The following RGL1 variants were observed in gnomAD, a reference collection of about 807,000 sequenced individuals.
RGL1 encodes ral guanine nucleotide dissociation stimulator-like 1.
A neutral mutation model predicts 95.2 loss-of-function variants in RGL1; 24 were observed. That is an observed-to-expected ratio of 0.25 (90% CI 0.18 to 0.35). RGL1 has a LOEUF of 0.35. RGL1 is among the 10% of genes least tolerant of loss of function. RGL1 has a pLI of 1.00. For missense variants in RGL1, 715 were observed against 936.3 expected (o/e 0.76, Z 3.08); for synonymous variants, 329 against 344.9 (o/e 0.95, Z 0.51).
At chr1:183,655,062 C>T (rs1368125695) in intron 1 of RGL1, among the ~76,000 whole-genome samples, 1 of 152,208 alleles carries the variant, frequency 6.6e-6, no homozygotes, top group African/African-American at 2.4e-5. Context: ...TTTCTGTCTT[C>T]CTTTGTTAAT....
At chr1:183,898,755 T>C (rs1483157626) in intron 10 of RGL1, among the ~76,000 whole-genome samples, 1 of 152,220 alleles carries the variant, frequency 6.6e-6, no homozygotes, top group African/African-American at 2.4e-5. Flanking sequence ...GATGAGACCT[T>C]GTACACAGAA....
At chr1:183,850,694 A>C (rs1303259702) in intron 3 of RGL1, among the ~76,000 whole-genome samples, 1 of 152,198 alleles carries the variant, frequency 6.6e-6, no homozygotes, top group Non-Finnish European at 1.5e-5. Context: ...GCATTTCTTT[A>C]TATAGGCAGG....
chr1:183,830,659 A>G (rs559684198), intron 2 of RGL1, among the ~76,000 whole-genome samples: 226 of 141,914 alleles, frequency 1.6e-3, no homozygotes, highest in African/African-American at 5.7e-3. Context: ...CAGCATCTCA[A>G]TCTTGTTGGG....
At position 183,776,764 on chromosome 1, in the gene RGL1, A is replaced by G. The variant is rs140630199; in HGVS notation, c.133-29611A>G. 4.1e-3 allele frequency among the ~76,000 whole-genome samples: 631 copies of G among 152,328 alleles called. 10 individuals carry two copies. The highest frequency in any genetic ancestry group is 0.032 in the Admixed American group (491 of 15,304). ...TGGGGGACAGACAAGGCTTGCGAAG[A>G]GGGCAGGGGTCTGATCATGAAAGGC... is the stretch of plus-strand genomic sequence containing the variant. On this transcript the variant is annotated intron_variant, in intron 2 of 18. Coordinates refer to the RGL1 transcript ENST00000304685.
intron 2 of RGL1, among the ~76,000 whole-genome samples, chr1:183,784,699 C>G (rs1182793858): frequency 1.3e-5 from 2 of 152,136 alleles, no homozygotes; most frequent in Non-Finnish European, 2.9e-5. Context: ...TCACTGCTGG[C>G]TAAAGAGTCT....
chr1:183,738,341 A>G (rs980264246), intron 1 of RGL1, among the ~76,000 whole-genome samples: 48 of 152,062 alleles, frequency 3.2e-4, no homozygotes, highest in African/African-American at 1.2e-3. Flanking sequence ...GAATCGCTTG[A>G]ACCCTGGAGG....
intron 1 of RGL1, among the ~76,000 whole-genome samples, chr1:183,659,849 A>G (rs1651477801): frequency 6.6e-6 from 1 of 150,828 alleles, no homozygotes; most frequent in Non-Finnish European, 1.5e-5. Flanking sequence ...TCAGACTAAC[A>G]GTGGATCTCT....
At chr1:183,820,705 C>T (rs1662418462) in intron 2 of RGL1, among the ~76,000 whole-genome samples, 1 of 152,108 alleles carries the variant, frequency 6.6e-6, no homozygotes, top group Non-Finnish European at 1.5e-5. Context: ...TGTTCTGTAC[C>T]TGTAAAATCC....
intron 9 of RGL1, 113 bp from the exon 10 acceptor site, chr1:183,897,695 G>A (rs529486450): frequency 4.4e-6 from 3 of 689,354 alleles, no homozygotes; most frequent in African/African-American, 3.6e-5. Flanking sequence ...ATTTTGCATG[G>A]TGTTCCGAGC....
At chr1:183,829,640 A>G (rs554053069) in intron 2 of RGL1, among the ~76,000 whole-genome samples, 9 of 152,258 alleles carry the variant, frequency 5.9e-5, no homozygotes, top group Non-Finnish European at 8.8e-5. Context: ...AAAACCCTTT[A>G]AAAGCTTCAC....
At chr1:183,893,217 G>A (rs1667518684) in intron 9 of RGL1, among the ~76,000 whole-genome samples, 1 of 152,176 alleles carries the variant, frequency 6.6e-6, no homozygotes, top group Non-Finnish European at 1.5e-5. Flanking sequence ...TCTCATGTGG[G>A]AGGTAAAACA....
intron 1 of RGL1, among the ~76,000 whole-genome samples, chr1:183,644,559 G>A (rs1310295619): frequency 1.3e-5 from 2 of 152,040 alleles, no homozygotes; most frequent in Non-Finnish European, 2.9e-5. Context: ...CCAAAGTACT[G>A]AGATTACAGG....
intron 2 of RGL1, among the ~76,000 whole-genome samples, chr1:183,780,023 T>C (rs928312606): frequency 2.0e-5 from 3 of 152,214 alleles, no homozygotes; most frequent in Non-Finnish European, 4.4e-5. Flanking sequence ...TAGTTTTATA[T>C]AAAATACTTA....
rs1558245830 is a variant in RGL1 at position 183,847,667 on chromosome 1, C to A, written c.240C>A (p.Asn80Lys). 2 of 1,614,118 alleles carry A rather than the reference C, an allele frequency of 1.2e-6. No individual in the cohort carries two copies. Among genetic ancestry groups the A allele is most frequent in the Non-Finnish European group, 1.7e-6 (2 of 1,179,972 alleles). Reference sequence around the variant, plus strand: ...GCACCTTGGAGAAGCTTGTGGAGAACCTGCTGACAGCTTTTGGGGACAATG... The same window carrying A: ...GCACCTTGGAGAAGCTTGTGGAGAAACTGCTGACAGCTTTTGGGGACAATG... The part of the protein sequence containing the change: ...KAGTLEKLVE[N>K]LLTAFGDNDF... The change falls in exon 3 of 18, where the codon AAC (asparagine) becomes AAA (lysine). Residue 80 changes from asparagine (N) to lysine (K), a missense_variant. This residue lies in a region of RGL1 where 381 missense variants were observed against 484.8 expected (regional missense o/e 0.79). Transcript: ENST00000360851.
At chr1:183,764,671 C>T (rs1438699264) in intron 2 of RGL1, among the ~76,000 whole-genome samples, 2 of 152,082 alleles carry the variant, frequency 1.3e-5, no homozygotes, top group African/African-American at 2.4e-5. Context: ...GTCGATCTTT[C>T]GGGCTGCTTC....
At chr1:183,871,807 A>G (rs1666199946) in intron 4 of RGL1, among the ~76,000 whole-genome samples, 1 of 152,254 alleles carries the variant, frequency 6.6e-6, no homozygotes, top group Admixed American at 6.5e-5. Flanking sequence ...GGACTCCCAC[A>G]TGCGGAGTAC....
intron 16 of RGL1, among the ~76,000 whole-genome samples, chr1:183,917,942 A>G (rs72733474): frequency 2.0e-5 from 3 of 152,202 alleles, no homozygotes; most frequent in Admixed American, 6.5e-5. Context: ...AGCTGCTATC[A>G]TGTTCCATGT....
At chr1:183,784,290 C>A (rs1660043975) in intron 2 of RGL1, among the ~76,000 whole-genome samples, 1 of 152,084 alleles carries the variant, frequency 6.6e-6, no homozygotes, top group African/African-American at 2.4e-5. Flanking sequence ...AGGGAAGGTG[C>A]CTGATACTGG....
Position 183,686,403 on chromosome 1 carries a change from C to G in RGL1, c.-33+49902C>G, listed in dbSNP as rs766376451. On this transcript the variant is annotated intron_variant, in intron 1 of 18. Coordinates refer to the RGL1 transcript ENST00000304685. Reference sequence around the variant, plus strand: ...CCCATCTTCATTTCCCTCAGTGGCACTTTCTTCCAGAAAATTTGCTGACAA... The same window carrying G: ...CCCATCTTCATTTCCCTCAGTGGCAGTTTCTTCCAGAAAATTTGCTGACAA... Among the ~76,000 whole-genome samples the G allele has an allele frequency of 2.0e-5, 3 of 147,596 alleles. No homozygotes were observed. The Admixed American group carries it at 2.1e-4, about 10-fold the overall frequency.
Sources: gnomAD v4.1 joint callset for allele counts (sites outside exome capture counted in the v4.1 genomes callset) on GRCh38, gnomAD v4.1.1 for gene constraint, gnomAD v4.1.1 regional missense constraint, MANE v1.5 for transcripts, NCBI Gene and HGNC (gene_info 2026-07-23, HGNC 2026-07-21) for gene names.